The following TOP2B variants were observed in gnomAD, a reference collection of about 807,000 sequenced individuals.
TOP2B encodes DNA topoisomerase II beta.
TOP2B carries 51 observed loss-of-function variants against 193.5 expected under a neutral mutation model. The observed-to-expected ratio is 0.26, with a 90% CI of 0.21 to 0.33. TOP2B has a LOEUF of 0.33. Among genes scored for constraint, TOP2B ranks in the 10% least tolerant of loss-of-function variants. TOP2B has a pLI of 1.00. For synonymous variants in TOP2B, 634 were observed against 635.7 expected (o/e 1.00, Z 0.04); for missense variants, 1,378 against 1,909.3 (o/e 0.72, Z 5.19).
intron 22 of TOP2B, among the ~76,000 whole-genome samples, 155 bp from the exon 23 acceptor site, chr3:25,620,217 A>G (rs528306315): frequency 6.6e-6 from 1 of 151,926 alleles, no homozygotes; most frequent in East Asian, 2.0e-4. Context: ...ATAGAAGGCA[A>G]TACACAGGGA....
At chr3:25,642,707 CTT>C (rs1368422903) in intron 3 of TOP2B, among the ~76,000 whole-genome samples, 2 of 152,042 alleles carry the variant, frequency 1.3e-5, no homozygotes, top group Non-Finnish European at 2.9e-5. Context: ...AAAGTAAAAA[CTT>C]TTGTTTAATT....
intron 2 of TOP2B, 128 bp from the exon 3 acceptor site, chr3:25,643,912 A>T (rs1387617687): frequency 3.3e-6 from 2 of 605,382 alleles, no homozygotes; most frequent in Non-Finnish European, 5.8e-6. Flanking sequence ...AAACATATAC[A>T]ACTTCAGTAA....
In TOP2B at chr3:25,632,437, T is replaced by C. The variant is rs770034892; in HGVS notation, c.1266+9A>G. The C allele has an allele frequency of 6.5e-6, 10 of 1,544,580 alleles. No homozygotes were observed. In the East Asian group the frequency reaches 1.9e-4, roughly 29 times the overall value. On this transcript the variant is annotated intron_variant, in intron 10 of 35. Transcript: ENST00000264331. ...TAACAACAATAAAAAAAATACAAGTTTTACTCACTGCTTTAAAAAATTTTT... is the reference window on the plus strand; with the variant it reads ...TAACAACAATAAAAAAAATACAAGTCTTACTCACTGCTTTAAAAAATTTTT...
intron 1 of TOP2B, among the ~76,000 whole-genome samples, chr3:25,647,614 T>TAA (rs61293801): frequency 3.5e-5 from 5 of 144,524 alleles, no homozygotes; most frequent in Non-Finnish European, 3.1e-5. Flanking sequence ...CACACAGGGA[T>TAA]AAAAAAAAAA....
chr3:25,611,469 T>C (rs1304368249), intron 28 of TOP2B, among the ~76,000 whole-genome samples: 1 of 152,218 alleles, frequency 6.6e-6, no homozygotes, highest in African/African-American at 2.4e-5. Context: ...TTTAGGCTCA[T>C]TTTCCAAGCT....
chr3:25,633,524 C>G lies in TOP2B; in HGVS notation c.1026+317G>C, dbSNP rs2125382062. 2.0e-5 allele frequency among the ~76,000 whole-genome samples: 3 copies of G among 152,132 alleles called. No individual in the cohort carries two copies. In the South Asian group the frequency reaches 6.2e-4, roughly 32 times the overall value. On this transcript the variant is annotated intron_variant, in intron 8 of 35. Coordinates refer to ENST00000264331, the MANE Select transcript of TOP2B (RefSeq NM_001330700.2). ...TGATTTTTAACTCAGTCACCAGCCC[C>G]CTCTCCTCTCCCCAGAGGTTGGGGA...
chr3:25,599,970 G>C (rs1215807940), intron 34 of TOP2B, among the ~76,000 whole-genome samples: 1 of 152,102 alleles, frequency 6.6e-6, no homozygotes, highest in African/African-American at 2.4e-5. Context: ...TGCTGTTTTA[G>C]TAACACATTA....
intron 11 of TOP2B, 41 bp from the exon 12 acceptor site, chr3:25,630,510 T>C: frequency 1.4e-6 from 2 of 1,453,248 alleles, no homozygotes; most frequent in Non-Finnish European, 1.8e-6. Context: ...AAATTTCTCA[T>C]ACTTTCACTG....
chr3:25,624,058 A>C (rs962706907), intron 20 of TOP2B, among the ~76,000 whole-genome samples: 1 of 152,190 alleles, frequency 6.6e-6, no homozygotes, highest in African/African-American at 2.4e-5. Context: ...CTTCAGCCTA[A>C]AGAGTAAAGT....
Position 25,601,559 on chromosome 3 carries a change from G to T in TOP2B, c.4490-334C>A, listed in dbSNP as rs1218860151. On this transcript the variant is annotated intron_variant, in intron 33 of 35. Coordinates refer to ENST00000264331, the MANE Select transcript of TOP2B (RefSeq NM_001330700.2). The stretch of plus-strand genomic sequence containing the variant: ...GCTTGAACCCGGGAGGTCGCAGTGA[G>T]CTGAGATTGCGCCACTGCACTCCAG... Among the ~76,000 whole-genome samples, 3 of 152,076 alleles carry T rather than the reference G, an allele frequency of 2.0e-5. No homozygotes were observed. In the East Asian group the frequency reaches 5.8e-4, roughly 29 times the overall value.
At chr3:25,643,923 T>C (rs183703044) in intron 2 of TOP2B, 139 bp from the exon 3 acceptor site, 6 of 574,740 alleles carry the variant, frequency 1.0e-5, no homozygotes, top group Middle Eastern at 4.6e-4. Context: ...ACTTCAGTAA[T>C]AGTCAACTTC....
At chr3:25,612,822 C>T in intron 27 of TOP2B, 113 bp from the exon 28 acceptor site, 1 of 719,996 alleles carries the variant, frequency 1.4e-6, no homozygotes, top group Middle Eastern at 2.8e-4. Flanking sequence ...ATAAAGCTTT[C>T]CTTTTAACTT....
intron 6 of TOP2B, 55 bp downstream of exon 6, chr3:25,637,160 G>T: frequency 7.3e-7 from 1 of 1,362,458 alleles, no homozygotes; most frequent in South Asian, 1.3e-5. Context: ...CTACTATCTC[G>T]GCAAGATAAT....
chr3:25,602,798 C>A (rs1268723003), intron 33 of TOP2B, among the ~76,000 whole-genome samples: 1 of 152,218 alleles, frequency 6.6e-6, no homozygotes, highest in African/African-American at 2.4e-5. Flanking sequence ...TATCTGAGTA[C>A]TATAGCTGCC....
In TOP2B at chr3:25,664,466, C is replaced by T. The variant is rs1704028519; in HGVS notation, c.-169G>A. The T allele has an allele frequency of 1.6e-6, 2 of 1,212,330 alleles. No individual in the cohort carries two copies. Among genetic ancestry groups the T allele is most frequent in the Admixed American group, 4.5e-5 (1 of 22,428 alleles). 75.1% of individuals were successfully genotyped at this position (1,212,330 alleles called of 1,614,324 possible). On this transcript the variant is annotated 5_prime_UTR_variant, in exon 1 of 36. Transcript: ENST00000264331. The stretch of plus-strand genomic sequence containing the variant: ...TCCGGAGCGGACGTCCAGCCGAGCC[C>T]GCTGAGGAGGCCGCGCCGCCGGCTG...
At chr3:25,601,045 T>G (rs1048695022) in intron 34 of TOP2B, 55 bp downstream of exon 34, 1 of 1,564,484 alleles carries the variant, frequency 6.4e-7, no homozygotes, top group Non-Finnish European at 8.6e-7. Flanking sequence ...GTAGAAAAAA[T>G]TCAATCTTTT....
intron 1 of TOP2B, among the ~76,000 whole-genome samples, chr3:25,651,213 C>T (rs528600664): frequency 6.6e-6 from 1 of 151,798 alleles, no homozygotes; most frequent in South Asian, 2.1e-4. Context: ...AAAAATAATT[C>T]TAAATCTGTG....
chr3:25,631,924 A>G (rs1223032465), intron 10 of TOP2B, among the ~76,000 whole-genome samples: 7 of 152,084 alleles, frequency 4.6e-5, no homozygotes, highest in African/African-American at 1.4e-4. Flanking sequence ...CCAAAATTCC[A>G]AAGAGGAGAG....
At chr3:25,599,601 T>C (rs1181382407) in intron 34 of TOP2B, 72 bp from the exon 35 acceptor site, 1 of 1,408,986 alleles carries the variant, frequency 7.1e-7, no homozygotes, top group African/African-American at 1.4e-5. Context: ...CACAACATTG[T>C]AGTTTATTTC....
Sources: allele counts gnomAD v4.1 joint callset (sites outside exome capture counted in the v4.1 genomes callset), GRCh38; gene constraint gnomAD v4.1.1; transcripts MANE v1.5; gene names NCBI Gene and HGNC (gene_info 2026-07-23, HGNC 2026-07-21).